The following MAP3K14 variants were observed in gnomAD, a reference collection of about 807,000 sequenced individuals.
MAP3K14 encodes the protein NF-kappa-beta-inducing kinase.
MAP3K14 carries 16 observed loss-of-function variants against 99.2 expected under a neutral mutation model. The ratio of observed to expected loss-of-function variants is 0.16; its 90% CI spans 0.11 to 0.24. MAP3K14 has a LOEUF of 0.24. Ranked by LOEUF, MAP3K14 falls within the 10% of genes least tolerant of loss-of-function variation. The pLI is 1.00. For synonymous variants in MAP3K14, 462 were observed against 492.4 expected (o/e 0.94, Z 0.82); for missense variants, 784 against 1,208.7 (o/e 0.65, Z 5.21).
chr17:45,274,501 T>G lies in MAP3K14; in HGVS notation c.1383A>C (p.Glu461Asp). ...RIVPLYGAVR[E>D]GPWVNIFMEL... is the part of the protein sequence containing the mutation. Reference sequence around the variant, plus strand: ...CCATGAAGATGTTGACCCAAGGCCCTTCTCTCACAGCTCCATACAAAGGGA... The same window carrying G: ...CCATGAAGATGTTGACCCAAGGCCCGTCTCTCACAGCTCCATACAAAGGGA... The change falls in exon 7 of 16, where the codon GAA (glutamate) becomes GAC (aspartate). Residue 461 changes from glutamate to aspartate, a missense_variant. Physicochemically the swap from Glu to Asp is conservative, Grantham distance 45. Coordinates refer to ENST00000344686, the MANE Select transcript of MAP3K14 (RefSeq NM_003954.5). 6.2e-7 allele frequency: 1 copy of G among 1,613,998 alleles called. No individual in the cohort carries two copies. Among genetic ancestry groups the G allele is most frequent in the South Asian group, 1.1e-5 (1 of 91,078 alleles).
In MAP3K14 at chr17:45,272,864, C is replaced by T. The variant is rs927160342; in HGVS notation, c.1657+639G>A. Among the ~76,000 whole-genome samples, 12 of 152,096 alleles carry T rather than the reference C, an allele frequency of 7.9e-5. 1 individual carries two copies. The highest frequency in any genetic ancestry group is 5.9e-4 in the Admixed American group (9 of 15,268). ...CTGAGGCAGGAGAATTACTTGAACC[C>T]GGGAGGAGGAGGTTGCAGTGAGCTG... On this transcript the variant is annotated intron_variant, in intron 9 of 15. Coordinates refer to ENST00000344686, the MANE Select transcript of MAP3K14 (RefSeq NM_003954.5). The surrounding 1 kb of genome is among the most constrained non-coding windows in gnomAD (Gnocchi z 4.1).
At position 45,264,304 on chromosome 17, in the gene MAP3K14, CA is replaced by C; in HGVS notation, c.*331del. On this transcript the variant is annotated 3_prime_UTR_variant, in exon 16 of 16. Coordinates refer to ENST00000344686, the MANE Select transcript of MAP3K14 (RefSeq NM_003954.5). The stretch of plus-strand genomic sequence containing the variant: ...CTGGAAGCTGCTCTCCCCTGTCTGC[CA>C]GCAAATGGTCACTGATCCAAGCGGG... 1 of 227,184 alleles carries C rather than the reference CA, an allele frequency of 4.4e-6. No individual in the cohort carries two copies. The highest frequency in any genetic ancestry group is 1.1e-4 in the South Asian group (1 of 9,334). The allele number at this position is 227,184 out of a possible 1,614,324, so 14.1% of individuals were successfully genotyped here. A position where few individuals can be genotyped will look rare whatever the true frequency, so the allele number is the denominator to read the frequency against.
Position 45,273,582 on chromosome 17 carries a change from A to G in MAP3K14, c.1578T>C (p.Asp526=), listed in dbSNP as rs1280498383. The change falls in exon 9 of 16, where the codon GAT becomes GAC. Residue 526 remains aspartate, a synonymous_variant. Transcript: ENST00000344686. The part of the protein sequence containing the change: ...VKADNVLLSS[D]GSHAALCDFG... Reference sequence around the variant, plus strand: ...AGTCACAGAGGGCTGCGTGGCTCCCATCGCTGGACAGGAGCACGTTGTCAG... The same window carrying G: ...AGTCACAGAGGGCTGCGTGGCTCCCGTCGCTGGACAGGAGCACGTTGTCAG... 2.5e-6 allele frequency: 4 copies of G among 1,613,162 alleles called. No homozygotes were observed. The highest frequency in any genetic ancestry group is 1.1e-5 in the South Asian group (1 of 90,914).
chr17:45,308,066 C>A (rs757132460), intron 1 of MAP3K14, among the ~76,000 whole-genome samples: 3 of 152,328 alleles, frequency 2.0e-5, no homozygotes, highest in Non-Finnish European at 4.4e-5. Context: ...GGACATGGGG[C>A]ATGATGAGGA....
At chr17:45,312,765 A>C (rs1456316086) in intron 1 of MAP3K14, among the ~76,000 whole-genome samples, 2 of 152,180 alleles carry the variant, frequency 1.3e-5, no homozygotes, top group Non-Finnish European at 2.9e-5. Context: ...GTGGGCCCCC[A>C]GACAGAGTCT....
At chr17:45,273,367 T>C in intron 9 of MAP3K14, 136 bp downstream of exon 9, 1 of 646,020 alleles carries the variant, frequency 1.5e-6, no homozygotes, top group Admixed American at 2.6e-5. Context: ...CCCCTGATAA[T>C]CATCCAGGCT....
Position 45,266,954 on chromosome 17 carries a change from G to A in MAP3K14, c.2433+138C>T. On this transcript the variant is annotated intron_variant, in intron 13 of 15. Coordinates refer to ENST00000344686, the MANE Select transcript of MAP3K14 (RefSeq NM_003954.5). ...TGAGGACCCCCACCAGAAGGAAGGG[G>A]TGACCCCCATCACCCTCCCTTTACC... is the stretch of plus-strand genomic sequence containing the variant. 1.2e-5 allele frequency: 9 copies of A among 723,698 alleles called. No homozygotes were observed. The South Asian group carries it at 1.3e-4, about 10-fold the overall frequency. 44.8% of individuals were successfully genotyped at this position (723,698 alleles called of 1,614,324 possible). A position where few individuals can be genotyped will look rare whatever the true frequency, so the allele number is the denominator to read the frequency against.
At chr17:45,276,823 C>CTTTTTTTTTTTTTTTTTTTTT (rs35012373) in intron 6 of MAP3K14, among the ~76,000 whole-genome samples, 1 of 62,258 alleles carries the variant, frequency 1.6e-5, no homozygotes, top group Non-Finnish European at 2.8e-5. Context: ...TCTTAGACTT[C>CTTTTTTTTTTTTTTTTTTTTT]TTTTTTTTTT....
At position 45,264,328 on chromosome 17, in the gene MAP3K14, G is replaced by A. The variant is rs2044049671; in HGVS notation, c.*308C>T. 3.6e-6 allele frequency: 1 copy of A among 274,794 alleles called. No individual in the cohort carries two copies. 17.0% of individuals were successfully genotyped at this position (274,794 alleles called of 1,614,324 possible). On this transcript the variant is annotated 3_prime_UTR_variant, in exon 16 of 16. Coordinates refer to ENST00000344686, the MANE Select transcript of MAP3K14 (RefSeq NM_003954.5). ...CCAGCAAATGGTCACTGATCCAAGC[G>A]GGTCAGGCCAACTCGACTGGAGCAG...
intron 3 of MAP3K14, among the ~76,000 whole-genome samples, chr17:45,287,964 CG>C (rs2044280564): frequency 6.6e-6 from 1 of 152,186 alleles, no homozygotes; most frequent in South Asian, 2.1e-4. Context: ...CTGCTGGCCT[CG>C]GGGCTCATCA....
chr17:45,270,340 C>G, intron 11 of MAP3K14, 73 bp downstream of exon 11: 12 of 1,538,310 alleles, frequency 7.8e-6, no homozygotes, highest in Non-Finnish European at 9.6e-6. Flanking sequence ...TGCTCTGGAC[C>G]TGCGCCCACC....
intron 2 of MAP3K14, among the ~76,000 whole-genome samples, chr17:45,289,839 T>A (rs2044296559): frequency 6.6e-6 from 1 of 152,132 alleles, no homozygotes; most frequent in Non-Finnish European, 1.5e-5. Context: ...GCTGTCCAGC[T>A]CTCCAGGTTC....
At chr17:45,283,556 C>T (rs1270396269) in intron 6 of MAP3K14, among the ~76,000 whole-genome samples, 1 of 152,216 alleles carries the variant, frequency 6.6e-6, no homozygotes, top group Non-Finnish European at 1.5e-5. Context: ...CTTAAGGCCA[C>T]AGGCACCCTG....
chr17:45,271,493 G>A (rs1356968773), intron 9 of MAP3K14, among the ~76,000 whole-genome samples: 1 of 152,136 alleles, frequency 6.6e-6, no homozygotes, highest in Non-Finnish European at 1.5e-5. Context: ...TTACAGGCAT[G>A]AGCCACCATG....
chr17:45,298,020 G>T (rs1304920068), intron 1 of MAP3K14, among the ~76,000 whole-genome samples: 5 of 152,156 alleles, frequency 3.3e-5, no homozygotes, highest in Non-Finnish European at 2.9e-5. Flanking sequence ...TGTCTGGCCA[G>T]TTTAAATCGT....
intron 1 of MAP3K14, among the ~76,000 whole-genome samples, chr17:45,314,061 G>C (rs1001679392): frequency 3.9e-5 from 6 of 152,192 alleles, no homozygotes; most frequent in Admixed American, 2.6e-4. Flanking sequence ...ATGTAGAAAA[G>C]CAAGAAGGGA....
intron 1 of MAP3K14, among the ~76,000 whole-genome samples, chr17:45,307,353 T>A (rs979881746): frequency 6.6e-6 from 1 of 152,168 alleles, no homozygotes; most frequent in Non-Finnish European, 1.5e-5. Context: ...TAACTGAATA[T>A]TCTGATTAAG....
At chr17:45,293,058 G>A (rs936451907) in intron 1 of MAP3K14, among the ~76,000 whole-genome samples, 6 of 152,216 alleles carry the variant, frequency 3.9e-5, no homozygotes, top group Middle Eastern at 3.2e-3. Flanking sequence ...CCTGCACACA[G>A]TGCCTCCCCA....
chr17:45,301,615 ATT>A (rs1268066465), intron 1 of MAP3K14, among the ~76,000 whole-genome samples: 10 of 152,248 alleles, frequency 6.6e-5, no homozygotes, highest in Non-Finnish European at 1.5e-4. Flanking sequence ...AAAATGGGAT[ATT>A]AAATTAGTAG....
Sources: allele counts gnomAD v4.1 joint callset (sites outside exome capture counted in the v4.1 genomes callset), GRCh38; gene constraint gnomAD v4.1.1; non-coding constraint Gnocchi (gnomAD v3.1); transcripts MANE v1.5; gene names NCBI Gene and HGNC (gene_info 2026-07-23, HGNC 2026-07-21).